Variants in TFPI observed in about 807,000 individuals in gnomAD.
The protein encoded by TFPI is anti-convertin.
TFPI carries 15 observed loss-of-function variants against 34.6 expected under a neutral mutation model. The observed-to-expected ratio is 0.43, with a 90% CI of 0.29 to 0.67. TFPI has a LOEUF of 0.67. Ranked by LOEUF, TFPI falls within the 30% of genes least tolerant of loss-of-function variation. TFPI has a pLI of 0.15. For missense variants in TFPI, 301 were observed against 364.0 expected, an observed-to-expected ratio of 0.83 and a Z score of 1.41; for synonymous variants, 105 against 120.1, an observed-to-expected ratio of 0.87 and a Z score of 0.82.
chr2:187,520,356 TC>T (rs1687298369), intron 1 of TFPI, among the ~76,000 whole-genome samples: 1 of 152,058 alleles, frequency 6.6e-6, no homozygotes, highest in South Asian at 2.1e-4. Context: ...AGTGCACCAT[TC>T]CTCAGGGCAC....
At chr2:187,515,579 T>C (rs1480039665) in intron 1 of TFPI, 1 of 152,220 alleles carries the variant, frequency 6.6e-6, no homozygotes, top group East Asian at 1.9e-4. Flanking sequence ...AGAAGCTGAC[T>C]GGTCCACGCA....
chr2:187,487,301 A>T (rs1693344236), intron 4 of TFPI, among the ~76,000 whole-genome samples: 1 of 150,106 alleles, frequency 6.7e-6, no homozygotes, highest in African/African-American at 2.5e-5. Context: ...AGATTATTTT[A>T]ATATTTATAG....
intron 1 of TFPI, among the ~76,000 whole-genome samples, chr2:187,542,677 G>A (rs1256816822): frequency 1.3e-5 from 2 of 152,032 alleles, no homozygotes; most frequent in East Asian, 3.9e-4. Flanking sequence ...AGACAAGCCT[G>A]ACCAACATGG....
chr2:187,532,184 G>A (rs767749762), intron 1 of TFPI, among the ~76,000 whole-genome samples: 3 of 152,146 alleles, frequency 2.0e-5, no homozygotes, highest in Non-Finnish European at 4.4e-5. Context: ...GTATATGTGT[G>A]ATTATATTTA....
rs765832037 is a variant in TFPI, at chr2:187,464,305, T to C, written c.*2631A>G. On this transcript the variant is annotated 3_prime_UTR_variant, in exon 8 of 8. Transcript: ENST00000233156. ...ATCGTTTGAGTGGTTTTCAGCATGA[T>C]CTGTTAATTTTGAATACAGAGAATG... The C allele has an allele frequency of 2.6e-5, 4 of 152,200 alleles. No homozygotes were observed. The highest frequency in any genetic ancestry group is 5.9e-5 in the Non-Finnish European group (4 of 68,026). The allele number at this position is 152,200 out of a possible 1,614,324, so 9.4% of individuals were successfully genotyped here.
At chr2:187,471,696 G>A (rs1692044022) in intron 6 of TFPI, among the ~76,000 whole-genome samples, 1 of 151,704 alleles carries the variant, frequency 6.6e-6, no homozygotes, top group Non-Finnish European at 1.5e-5. Flanking sequence ...GATCTAGTGT[G>A]ACTGCTGAAC....
chr2:187,540,890 C>CAAAAAAAAAAAAAAAA (rs56921212), intron 1 of TFPI, among the ~76,000 whole-genome samples: 8 of 84,760 alleles, frequency 9.4e-5, no homozygotes, highest in Non-Finnish European at 1.4e-4. Context: ...GACTCCATCT[C>CAAAAAAAAAAAAAAAA]AAAAAAAAAA....
intron 1 of TFPI, chr2:187,519,230 G>A (rs1687210845): frequency 1.3e-5 from 2 of 152,198 alleles, no homozygotes; most frequent in South Asian, 2.1e-4. Flanking sequence ...TCTGGTTTTG[G>A]GAATTTTCAG....
intron 6 of TFPI, among the ~76,000 whole-genome samples, chr2:187,472,540 A>G (rs563736818): frequency 1.3e-4 from 20 of 152,316 alleles, no homozygotes; most frequent in African/African-American, 4.1e-4. Flanking sequence ...CCTTACTGCT[A>G]TGAATTTATC....
intron 3 of TFPI, among the ~76,000 whole-genome samples, chr2:187,488,632 G>A (rs1357650586): frequency 6.6e-6 from 1 of 151,298 alleles, no homozygotes; most frequent in Non-Finnish European, 1.5e-5. Flanking sequence ...CACTTACAAA[G>A]CTGAGAATTC....
intron 6 of TFPI, among the ~76,000 whole-genome samples, chr2:187,476,031 G>A (rs865832918): frequency 1.8e-4 from 28 of 152,118 alleles, no homozygotes; most frequent in African/African-American, 6.3e-4. Context: ...AACAAATCTT[G>A]GTGCAACAGT....
rs1691655843 is a variant in TFPI at position 187,465,193 on chromosome 2, C to T, written c.*1743G>A. On this transcript the variant is annotated 3_prime_UTR_variant, in exon 8 of 8. Transcript: ENST00000233156. ...GTACTAAATTTCTGAGGAATTAATA[C>T]TGATGGGAAGGATGCAGTAAAGAGT... The T allele has an allele frequency of 6.6e-6, 1 of 152,028 alleles. No homozygotes were observed. Among genetic ancestry groups the T allele is most frequent in the Non-Finnish European group, 1.5e-5 (1 of 68,014 alleles). 9.4% of individuals were successfully genotyped at this position (152,028 alleles called of 1,614,324 possible). A position where few individuals can be genotyped will look rare whatever the true frequency, so the allele number is the denominator to read the frequency against.
intron 1 of TFPI, among the ~76,000 whole-genome samples, chr2:187,510,955 C>G (rs1208245835): frequency 6.6e-6 from 1 of 152,174 alleles, no homozygotes; most frequent in Non-Finnish European, 1.5e-5. Flanking sequence ...TGCTACATTT[C>G]TTGGTACCCT....
chr2:187,492,841 C>G (rs959835091), intron 3 of TFPI, among the ~76,000 whole-genome samples: 6 of 152,144 alleles, frequency 3.9e-5, no homozygotes, highest in Admixed American at 6.5e-5. Flanking sequence ...AAGGGACTTG[C>G]CTTGTCTCAG....
At chr2:187,539,910 T>G (rs1447133834) in intron 1 of TFPI, among the ~76,000 whole-genome samples, 1 of 151,274 alleles carries the variant, frequency 6.6e-6, no homozygotes, top group Admixed American at 6.6e-5. Context: ...TTTTTTTTTT[T>G]TTTTTTTGAG....
chr2:187,544,641 G>GGA (rs1688761179), intron 1 of TFPI: 3 of 140,912 alleles, frequency 2.1e-5, no homozygotes, highest in East Asian at 4.4e-4. Context: ...ACTTCATCTG[G>GGA]AAAAAAAAAA....
chr2:187,489,368 C>T (rs1372601919), intron 3 of TFPI, among the ~76,000 whole-genome samples: 1 of 143,742 alleles, frequency 7.0e-6, no homozygotes, highest in Non-Finnish European at 1.5e-5. Flanking sequence ...TATTCAATAG[C>T]CTTTTAAAAA....
At chr2:187,516,364 C>T (rs1202587443) in intron 1 of TFPI, 1 of 152,126 alleles carries the variant, frequency 6.6e-6, no homozygotes, top group Non-Finnish European at 1.5e-5. Context: ...GAAATGGTTT[C>T]CAGCACTAAA....
chr2:187,539,260 G>A (rs931387989), intron 1 of TFPI, among the ~76,000 whole-genome samples: 1 of 152,122 alleles, frequency 6.6e-6, no homozygotes, highest in African/African-American at 2.4e-5. Flanking sequence ...TGATAATAAA[G>A]TTCTAGGTGT....
Sources: gnomAD v4.1 joint callset for allele counts (sites outside exome capture counted in the v4.1 genomes callset) on GRCh38, gnomAD v4.1.1 for gene constraint, MANE v1.5 for transcripts, NCBI Gene and HGNC (gene_info 2026-07-23, HGNC 2026-07-21) for gene names.